RFX3: variants seen among roughly 807,000 people sequenced by gnomAD.
RFX3 encodes the protein transcription factor RFX3.
Under a neutral mutation model 98.6 loss-of-function variants are expected in RFX3, and 14 were observed. The observed-to-expected ratio is 0.14, with a 90% confidence interval of 0.09 to 0.22. The LOEUF is 0.22. Among genes scored for constraint, RFX3 ranks in the 10% least tolerant of loss-of-function variants. RFX3 has a pLI of 1.00. For missense variants in RFX3, 639 were observed against 926.9 expected (o/e 0.69, Z 4.03); for synonymous variants, 383 against 328.4 (o/e 1.17, Z -1.80).
intron 2 of RFX3, among the ~76,000 whole-genome samples, chr9:3,367,166 G>A (rs1837306995): frequency 1.3e-5 from 2 of 152,070 alleles, no homozygotes; most frequent in Admixed American, 6.6e-5. Flanking sequence ...AATTGAGTAG[G>A]CCTGCTCTAG....
At chr9:3,408,179 T>C (rs976715884) in intron 1 of RFX3, among the ~76,000 whole-genome samples, 1 of 152,172 alleles carries the variant, frequency 6.6e-6, no homozygotes, top group African/African-American at 2.4e-5. Flanking sequence ...TGATCACAAA[T>C]TGCATTCAGC....
intron 7 of RFX3, among the ~76,000 whole-genome samples, chr9:3,283,182 G>C (rs1228278148): frequency 6.6e-6 from 1 of 151,662 alleles, no homozygotes; most frequent in Non-Finnish European, 1.5e-5. Flanking sequence ...GAGGTATAGA[G>C]AAATGGAAGC....
rs1834877057 is a variant in RFX3 at position 3,349,707 on chromosome 9, T to C, written c.118-2943A>G. Among the ~76,000 whole-genome samples, 5 of 152,078 alleles carry C rather than the reference T, an allele frequency of 3.3e-5. No homozygotes were observed. In the South Asian group the frequency reaches 1.0e-3, roughly 31 times the overall value. On this transcript the variant is annotated intron_variant, in intron 2 of 16. Coordinates refer to ENST00000617270, the MANE Select transcript of RFX3 (RefSeq NM_001282116.2). The stretch of plus-strand genomic sequence containing the variant: ...ATGAATGTGTATAGAAGTGCCCACG[T>C]GTGAATACATACACACCTCATTCTA...
intron 6 of RFX3, among the ~76,000 whole-genome samples, chr9:3,291,702 A>T (rs1225787917): frequency 6.6e-6 from 1 of 152,166 alleles, no homozygotes; most frequent in African/African-American, 2.4e-5. Flanking sequence ...TGGTGGTGAG[A>T]AAAAGATCAA....
At chr9:3,469,565 A>G (rs138448267) in intron 1 of RFX3, among the ~76,000 whole-genome samples, 1 of 152,154 alleles carries the variant, frequency 6.6e-6, no homozygotes, top group Non-Finnish European at 1.5e-5. Context: ...TACTGGGTCA[A>G]TGATAAAATA....
intron 1 of RFX3, among the ~76,000 whole-genome samples, chr9:3,516,384 A>G (rs1818172469): frequency 6.6e-6 from 1 of 152,206 alleles, no homozygotes; most frequent in South Asian, 2.1e-4. Flanking sequence ...GAAAATGTAT[A>G]CTTCTTAAAC....
intron 1 of RFX3, among the ~76,000 whole-genome samples, chr9:3,473,945 A>G (rs1457133226): frequency 6.6e-6 from 1 of 152,206 alleles, no homozygotes; most frequent in African/African-American, 2.4e-5. Context: ...ATAGAATATA[A>G]TGTTTCTGAA....
At chr9:3,293,596 C>G (rs567476298) in intron 5 of RFX3, among the ~76,000 whole-genome samples, 121 of 152,192 alleles carry the variant, frequency 8.0e-4, no homozygotes, top group African/African-American at 2.8e-3. Flanking sequence ...TCATAAATAT[C>G]AGAAATATGA....
At chr9:3,350,031 G>A (rs768427360) in intron 2 of RFX3, among the ~76,000 whole-genome samples, 3 of 152,052 alleles carry the variant, frequency 2.0e-5, no homozygotes, top group Admixed American at 6.6e-5. Flanking sequence ...TTAAAAAAAT[G>A]TGTAGAAAAT....
chr9:3,352,051 T>C (rs1246347037), intron 2 of RFX3, among the ~76,000 whole-genome samples: 1 of 152,000 alleles, frequency 6.6e-6, no homozygotes, highest in Non-Finnish European at 1.5e-5. Flanking sequence ...TGAATCTTAG[T>C]TCAACCATTC....
chr9:3,336,564 G>C (rs950940333), intron 3 of RFX3, among the ~76,000 whole-genome samples: 5 of 152,014 alleles, frequency 3.3e-5, no homozygotes, highest in Non-Finnish European at 5.9e-5. Flanking sequence ...TAAAATTTTA[G>C]GAAGACAGTA....
intron 1 of RFX3, among the ~76,000 whole-genome samples, chr9:3,506,078 G>C (rs1345897076): frequency 6.6e-6 from 1 of 151,744 alleles, no homozygotes; most frequent in African/African-American, 2.4e-5. Flanking sequence ...CACTCCTTAA[G>C]TCTGGAAAGA....
Position 3,456,718 on chromosome 9 carries a change from G to A in RFX3, c.-8-61122C>T, listed in dbSNP as rs137988739. Among the ~76,000 whole-genome samples, 37 of 152,160 alleles carry A rather than the reference G, an allele frequency of 2.4e-4. No individual in the cohort carries two copies. The East Asian group carries it at 2.9e-3, about 12-fold the overall frequency. ...ATTTCATGAGACACTGTCTGAAACC[G>A]TGCTAAATCAACTTACTCCACCTAC... On this transcript the variant is annotated intron_variant, in intron 1 of 16. Transcript: ENST00000617270.
At chr9:3,449,838 A>G (rs1180777376) in intron 1 of RFX3, among the ~76,000 whole-genome samples, 1 of 151,672 alleles carries the variant, frequency 6.6e-6, no homozygotes, top group African/African-American at 2.4e-5. Context: ...ACTGCACTCC[A>G]GCCTGGGCAA....
intron 3 of RFX3, among the ~76,000 whole-genome samples, chr9:3,333,800 A>G (rs111407660): frequency 6.4e-4 from 98 of 152,250 alleles, no homozygotes; most frequent in African/African-American, 2.1e-3. Context: ...ATGATTCAGG[A>G]TGCCCCCTAC....
At chr9:3,251,636 G>C (rs1821415857) in intron 14 of RFX3, among the ~76,000 whole-genome samples, 1 of 151,496 alleles carries the variant, frequency 6.6e-6, no homozygotes, top group Admixed American at 6.6e-5. Context: ...TGCCTGGCCT[G>C]TATTTACCAC....
At chr9:3,231,467 T>TTCTA in intron 15 of RFX3, among the ~76,000 whole-genome samples, 1 of 152,302 alleles carries the variant, frequency 6.6e-6, no homozygotes, top group Admixed American at 6.5e-5. Flanking sequence ...TGCCAGCCAA[T>TTCTA]TCTAGTCAGA....
chr9:3,502,440 G>T (rs1432755142), intron 1 of RFX3, among the ~76,000 whole-genome samples: 1 of 152,076 alleles, frequency 6.6e-6, no homozygotes, highest in Non-Finnish European at 1.5e-5. Context: ...TATTATGAAT[G>T]CCAAAAACTC....
chr9:3,493,313 C>T (rs73387741), intron 1 of RFX3, among the ~76,000 whole-genome samples: 25 of 152,202 alleles, frequency 1.6e-4, no homozygotes, highest in Non-Finnish European at 3.4e-4. Context: ...ATCCACTCTG[C>T]TATCTATCCT....
Sources: allele counts gnomAD v4.1 joint callset (sites outside exome capture counted in the v4.1 genomes callset), GRCh38; gene constraint gnomAD v4.1.1; transcripts MANE v1.5; gene names NCBI Gene and HGNC (gene_info 2026-07-23, HGNC 2026-07-21).